CNTN6: variants seen among roughly 807,000 people sequenced by gnomAD.
The protein encoded by CNTN6 is contactin-6.
In CNTN6, 137 loss-of-function variants were observed where a neutral mutation model predicts 122.8. That is an observed-to-expected ratio of 1.12 (90% confidence interval 0.97 to 1.29). The LOEUF (loss-of-function observed/expected upper bound fraction) is 1.29, where lower values mean the gene tolerates loss of function less well. CNTN6 is among the 50% of genes most tolerant of loss of function. The pLI, the probability that CNTN6 is intolerant of heterozygous loss-of-function variation, is 0.00. For synonymous variants in CNTN6, 570 were observed against 426.0 expected, an observed-to-expected ratio of 1.34 and a Z score of -4.16; for missense variants, 1,634 against 1,223.4, an observed-to-expected ratio of 1.34 and a Z score of -5.01.
At chr3:1,402,005 A>G (rs1413668376) in intron 21 of CNTN6, among the ~76,000 whole-genome samples, 1 of 152,052 alleles carries the variant, frequency 6.6e-6, no homozygotes, top group Non-Finnish European at 1.5e-5. Context: ...TGGCAGACAT[A>G]TATTCAACAT....
At chr3:1,210,636 C>G (rs989622118) in intron 2 of CNTN6, among the ~76,000 whole-genome samples, 11 of 152,240 alleles carry the variant, frequency 7.2e-5, no homozygotes, top group African/African-American at 2.6e-4. Context: ...ATTTGTGTCA[C>G]TCTGGACTTG....
intron 4 of CNTN6, among the ~76,000 whole-genome samples, chr3:1,259,493 A>G (rs1185157972): frequency 6.6e-6 from 1 of 152,094 alleles, no homozygotes; most frequent in East Asian, 1.9e-4. Flanking sequence ...CTAGATTACT[A>G]TTATTATTTA....
At chr3:1,390,495 A>C (rs539311921) in intron 20 of CNTN6, among the ~76,000 whole-genome samples, 6 of 152,126 alleles carry the variant, frequency 3.9e-5, no homozygotes, top group African/African-American at 1.4e-4. Context: ...ATCACAATTA[A>C]AAGAACTAGA....
intron 2 of CNTN6, among the ~76,000 whole-genome samples, chr3:1,198,596 C>T (rs147492446): frequency 6.6e-6 from 1 of 152,120 alleles, no homozygotes; most frequent in African/African-American, 2.4e-5. Context: ...GGGGTGCATG[C>T]TTGTAATCCC....
intron 2 of CNTN6, among the ~76,000 whole-genome samples, chr3:1,167,761 C>T (rs1575096280): frequency 6.6e-6 from 1 of 152,152 alleles, no homozygotes; most frequent in Non-Finnish European, 1.5e-5. Flanking sequence ...CTGAATCTAA[C>T]TTCTTAGCTG....
chr3:1,210,428 A>AAAGGAAAG (rs1329368234), intron 2 of CNTN6, among the ~76,000 whole-genome samples: 1 of 151,974 alleles, frequency 6.6e-6, no homozygotes, highest in East Asian at 1.9e-4. Flanking sequence ...AAGGAAAGAA[A>AAAGGAAAG]AAAAAAAGGC....
intron 2 of CNTN6, among the ~76,000 whole-genome samples, chr3:1,175,259 A>G (rs2093427856): frequency 6.7e-6 from 1 of 150,292 alleles, no homozygotes; most frequent in South Asian, 2.1e-4. Context: ...TATCTTTAAG[A>G]GCATGTAAAA....
At chr3:1,391,828 C>A (rs546510478) in intron 20 of CNTN6, among the ~76,000 whole-genome samples, 1 of 151,618 alleles carries the variant, frequency 6.6e-6, no homozygotes, top group South Asian at 2.1e-4. Context: ...GAATAAAATA[C>A]CTAGGAATCC....
At chr3:1,278,886 CTGTTTGTT>C (rs200487616) in intron 5 of CNTN6, among the ~76,000 whole-genome samples, 2 of 152,116 alleles carry the variant, frequency 1.3e-5, no homozygotes, top group South Asian at 2.1e-4. Flanking sequence ...GAGACATTAA[CTGTTTGTT>C]TGTTTGTTTG....
At chr3:1,109,712 C>G (rs937823837) in intron 1 of CNTN6, among the ~76,000 whole-genome samples, 6 of 151,554 alleles carry the variant, frequency 4.0e-5, no homozygotes, top group African/African-American at 1.5e-4. Flanking sequence ...CTATTTTTAC[C>G]CAAGTTGTTG....
At chr3:1,096,094 A>T (rs1421801936) in intron 1 of CNTN6, among the ~76,000 whole-genome samples, 1 of 152,150 alleles carries the variant, frequency 6.6e-6, no homozygotes, top group Non-Finnish European at 1.5e-5. Flanking sequence ...TCTTGGATCA[A>T]GCTTAATTTT....
intron 7 of CNTN6, among the ~76,000 whole-genome samples, chr3:1,302,353 C>T (rs1697578228): frequency 6.6e-6 from 1 of 152,068 alleles, no homozygotes; most frequent in African/African-American, 2.4e-5. Flanking sequence ...AACCTCAAAA[C>T]TGAGAAAAGC....
intron 11 of CNTN6, among the ~76,000 whole-genome samples, chr3:1,346,069 C>T (rs528822522): frequency 6.6e-6 from 1 of 151,298 alleles, no homozygotes; most frequent in Admixed American, 6.6e-5. Context: ...TGATACCAAA[C>T]AAAAAATCTG....
At chr3:1,297,620 CGTT>C (rs1356880727) in intron 6 of CNTN6, among the ~76,000 whole-genome samples, 22 of 148,126 alleles carry the variant, frequency 1.5e-4, no homozygotes, top group African/African-American at 2.8e-4. Context: ...GAAAACATCC[CGTT>C]GTTGTTGTTT....
At chr3:1,259,696 A>T (rs190242645) in intron 4 of CNTN6, among the ~76,000 whole-genome samples, 1 of 152,110 alleles carries the variant, frequency 6.6e-6, no homozygotes, top group African/African-American at 2.4e-5. Context: ...TGCATGTTAC[A>T]TTCTGAGCCT....
At chr3:1,218,676 A>G (rs1025361303) in intron 2 of CNTN6, among the ~76,000 whole-genome samples, 3 of 152,184 alleles carry the variant, frequency 2.0e-5, no homozygotes, top group African/African-American at 7.2e-5. Flanking sequence ...AGTTGCAAAT[A>G]TAAACAGAGG....
chr3:1,099,815 C>A (rs150634439), intron 1 of CNTN6, among the ~76,000 whole-genome samples: 1 of 152,138 alleles, frequency 6.6e-6, no homozygotes, highest in East Asian at 1.9e-4. Context: ...AGTAAACAGT[C>A]TTTTATTGGT....
chr3:1,241,606 A>G (rs2125608646), intron 4 of CNTN6, among the ~76,000 whole-genome samples: 1 of 152,304 alleles, frequency 6.6e-6, no homozygotes, highest in Admixed American at 6.5e-5. Context: ...ATCCAATTAG[A>G]GAGTGCCCAA....
At chr3:1,165,945 C>T (rs192080539) in intron 2 of CNTN6, among the ~76,000 whole-genome samples, 284 of 152,294 alleles carry the variant, frequency 1.9e-3, no homozygotes, top group Non-Finnish European at 1.8e-3. Flanking sequence ...AGGGCCACTC[C>T]AAAATCAGTA....
Sources: allele counts gnomAD v4.1 joint callset (sites outside exome capture counted in the v4.1 genomes callset), GRCh38; gene constraint gnomAD v4.1.1; transcripts MANE v1.5; gene names NCBI Gene and HGNC (gene_info 2026-07-23, HGNC 2026-07-21).